Variants in CHD1L observed in about 807,000 individuals in gnomAD.
CHD1L encodes ATP-dependent chromatin remodeler CHD1L.
A neutral mutation model predicts 115.9 loss-of-function variants in CHD1L; 118 were observed. The observed-to-expected ratio is 1.02, with a 90% CI of 0.88 to 1.19. The LOEUF (loss-of-function observed/expected upper bound fraction) is 1.19. Ranked by LOEUF, CHD1L falls within the 50% of genes most tolerant of loss-of-function variation. The pLI is 0.00. For synonymous variants in CHD1L, 411 were observed against 387.1 expected (o/e 1.06, Z -0.72); for missense variants, 1,179 against 1,065.3 (o/e 1.11, Z -1.49).
intron 19 of CHD1L, among the ~76,000 whole-genome samples, chr1:147,290,714 C>T (rs1042275899): frequency 6.6e-6 from 1 of 152,234 alleles, no homozygotes; most frequent in South Asian, 2.1e-4. Context: ...AGTGCACTGG[C>T]GTGATCATAG....
chr1:147,216,242 T>C, the CHD1L span, among the ~76,000 whole-genome samples: 1 of 152,140 alleles, frequency 6.6e-6, no homozygotes, highest in Admixed American at 6.5e-5. Context: ...CTAGCAGCCA[T>C]ATGAGAAATC....
At chr1:147,295,401 A>C (rs1687170432) in intron 22 of CHD1L, 30 bp from the exon 23 acceptor site, 1 of 1,487,828 alleles carries the variant, frequency 6.7e-7, no homozygotes, top group Non-Finnish European at 9.4e-7. Context: ...TAAAGTGATG[A>C]CATGTATCTT....
At chr1:147,178,659 C>T in the CHD1L span, 2 of 1,574,360 alleles carry the variant, frequency 1.3e-6, no homozygotes, top group Non-Finnish European at 1.7e-6. Flanking sequence ...GGGATAACTA[C>T]CGATTTGCAC....
the CHD1L span, chr1:147,178,576 T>C: frequency 1.9e-6 from 3 of 1,608,724 alleles, no homozygotes; most frequent in Non-Finnish European, 2.6e-6. Context: ...TAAAGATGCC[T>C]CTATAGTAGG....
intron 17 of CHD1L, 41 bp downstream of exon 17, chr1:147,285,528 A>G (rs1553965023): frequency 3.1e-6 from 5 of 1,588,644 alleles, no homozygotes; most frequent in Non-Finnish European, 4.3e-6. Context: ...CAGTTGAAGG[A>G]GTCACTATTG....
chr1:147,190,775 A>T, the CHD1L span, among the ~76,000 whole-genome samples: 5,592 of 151,954 alleles, frequency 0.037, 154 homozygotes, highest in South Asian at 0.095. Context: ...GCTGGTGTGC[A>T]GCACCCATTA....
Position 147,293,717 on chromosome 1 carries a change from A to G in CHD1L, c.2501A>G (p.Lys834Arg). Reference sequence around the variant, plus strand: ...AAGATATTTTTAGCAGCAAAAAAGAAGAAAGGTAAGCTCTTCCACCTGTGC... The same window carrying G: ...AAGATATTTTTAGCAGCAAAAAAGAGGAAAGGTAAGCTCTTCCACCTGTGC... ...LKKIFLAAKKKKASVHLPRIG... is the reference protein window; with the variant it reads ...LKKIFLAAKKRKASVHLPRIG... The change falls in exon 21 of 23, where the codon AAG (lysine) becomes AGG (arginine). Residue 834 changes from lysine to arginine, a missense_variant. Transcript: ENST00000369258. The G allele has an allele frequency of 1.2e-6, 2 of 1,612,306 alleles. No individual in the cohort carries two copies. Among genetic ancestry groups the G allele is most frequent in the Non-Finnish European group, 8.5e-7 (1 of 1,178,406 alleles).
chr1:147,227,896 GCAAA>G, the CHD1L span, among the ~76,000 whole-genome samples: 1 of 152,084 alleles, frequency 6.6e-6, no homozygotes, highest in South Asian at 2.1e-4. Flanking sequence ...TATTCATTCA[GCAAA>G]CAGTCTCTTT....
At chr1:147,294,225 T>C (rs1245596086) in intron 21 of CHD1L, among the ~76,000 whole-genome samples, 184 bp from the exon 22 acceptor site, 1 of 152,094 alleles carries the variant, frequency 6.6e-6, no homozygotes, top group South Asian at 2.1e-4. Context: ...CCAGAACTTG[T>C]AGGTCCTTGT....
In CHD1L at chr1:147,280,199, G is replaced by T; in HGVS notation, c.1705+8G>T. 6.3e-7 allele frequency: 1 copy of T among 1,579,838 alleles called. No homozygotes were observed. The highest frequency in any genetic ancestry group is 8.6e-7 in the Non-Finnish European group (1 of 1,164,506). Reference sequence around the variant, plus strand: ...GAGATCAAGAGGAAGGAAGTAAGTTGGAGGTTAGAGCAGAGCAAATGGCAC... The same window carrying T: ...GAGATCAAGAGGAAGGAAGTAAGTTTGAGGTTAGAGCAGAGCAAATGGCAC... On this transcript the variant is annotated splice_region_variant and intron_variant, in intron 15 of 22. Transcript: ENST00000369258.
intron 1 of CHD1L, 118 bp from the exon 2 acceptor site, chr1:147,252,505 C>A: frequency 1.4e-6 from 1 of 693,054 alleles, no homozygotes; most frequent in Non-Finnish European, 2.4e-6. Flanking sequence ...AAGATACGTC[C>A]AGTGAGGTTT....
chr1:147,287,753 G>A lies in CHD1L; in HGVS notation c.2320+20G>A, dbSNP rs782031393. The A allele has an allele frequency of 2.5e-6, 4 of 1,602,604 alleles. No homozygotes were observed. In the South Asian group the frequency reaches 4.4e-5, roughly 18 times the overall value. On this transcript the variant is annotated intron_variant, in intron 19 of 22. Coordinates refer to ENST00000369258, the MANE Select transcript of CHD1L (RefSeq NM_004284.6). ...TGAAAGGTAAGAAGCAAAGCAGAGGGAAAGGTTAAGGGTGGAATAAGAGAG... is the reference window on the plus strand; with the variant it reads ...TGAAAGGTAAGAAGCAAAGCAGAGGAAAAGGTTAAGGGTGGAATAAGAGAG...
At chr1:147,281,028 T>C (rs1348859359) in intron 15 of CHD1L, among the ~76,000 whole-genome samples, 2 of 152,132 alleles carry the variant, frequency 1.3e-5, no homozygotes, top group Non-Finnish European at 2.9e-5. Context: ...GGTTTTGTAG[T>C]TCTCTTTTGT....
At chr1:147,260,457 A>G (rs991062550) in intron 6 of CHD1L, 1 of 152,190 alleles carries the variant, frequency 6.6e-6, no homozygotes, top group African/African-American at 2.4e-5. Flanking sequence ...AATATGGCCT[A>G]ACTTCTTCTT....
the CHD1L span, chr1:147,175,352 C>T: frequency 6.6e-6 from 1 of 152,112 alleles, no homozygotes; most frequent in African/African-American, 2.4e-5. Context: ...ATGTCCTTCA[C>T]CTGGTGATAT....
the CHD1L span, among the ~76,000 whole-genome samples, chr1:147,235,236 A>G: frequency 1.3e-5 from 2 of 152,192 alleles, no homozygotes; most frequent in Non-Finnish European, 2.9e-5. Context: ...TGGAACCTCA[A>G]TAATGAGGGA....
chr1:147,269,877 G>T (rs17356240), intron 10 of CHD1L, among the ~76,000 whole-genome samples: 27,022 of 152,004 alleles, frequency 0.18, 3,062 homozygotes, highest in Middle Eastern at 0.26. Flanking sequence ...TGGCAAAATT[G>T]CTCAACTTTA....
At chr1:147,238,711 A>G (rs906475915), upstream of CHD1L, among the ~76,000 whole-genome samples, 1 of 152,214 alleles carries the variant, frequency 6.6e-6, no homozygotes, top group Non-Finnish European at 1.5e-5. Flanking sequence ...CTTCAAAGTT[A>G]TAACAATCAT....
chr1:147,178,919 A>G, the CHD1L span: 7 of 1,586,988 alleles, frequency 4.4e-6, no homozygotes, highest in Non-Finnish European at 6.1e-6. Flanking sequence ...GATGTGGACT[A>G]TGAAAAGAAT....
Sources: allele counts gnomAD v4.1 joint callset (sites outside exome capture counted in the v4.1 genomes callset), GRCh38; gene constraint gnomAD v4.1.1; transcripts MANE v1.5; gene names NCBI Gene and HGNC (gene_info 2026-07-23, HGNC 2026-07-21).